The following SLC45A2 variants were observed in gnomAD, a reference collection of about 807,000 sequenced individuals.
SLC45A2 encodes the protein solute carrier family 45 member 2.
Under a neutral mutation model 45.5 loss-of-function variants are expected in SLC45A2, and 36 were observed. That is an observed-to-expected ratio of 0.79 (90% confidence interval 0.61 to 1.04). The LOEUF is 1.04. SLC45A2 is among the 50% of genes least tolerant of loss of function. SLC45A2 has a pLI of 0.00. For missense variants in SLC45A2, 719 were observed against 671.0 expected, an observed-to-expected ratio of 1.07 and a Z score of -0.79; for synonymous variants, 306 against 269.3, an observed-to-expected ratio of 1.14 and a Z score of -1.33.
At chr5:33,979,571 A>T (rs554752567) in intron 2 of SLC45A2, among the ~76,000 whole-genome samples, 1 of 152,334 alleles carries the variant, frequency 6.6e-6, no homozygotes, top group African/African-American at 2.4e-5. Flanking sequence ...TTTCAGGGCC[A>T]TTTCAAAATA....
At chr5:33,966,233 A>G (rs1465142932) in intron 2 of SLC45A2, among the ~76,000 whole-genome samples, 2 of 152,180 alleles carry the variant, frequency 1.3e-5, no homozygotes, top group Non-Finnish European at 2.9e-5. Context: ...GAGTCCTACA[A>G]TTGGGGAGTT....
chr5:33,944,977 G>T, intron 6 of SLC45A2, 105 bp from the exon 7 acceptor site: 2 of 1,061,606 alleles, frequency 1.9e-6, no homozygotes, highest in Non-Finnish European at 2.8e-6. Context: ...AATACCTTTG[G>T]CTTCGTGGAT....
chr5:33,958,680 C>G (rs905747028), intron 3 of SLC45A2, among the ~76,000 whole-genome samples: 1 of 152,144 alleles, frequency 6.6e-6, no homozygotes, highest in African/African-American at 2.4e-5. Flanking sequence ...CTGCACTGGT[C>G]TCAATTTGTT....
At position 33,982,323 on chromosome 5, in the gene SLC45A2, T is replaced by C; in HGVS notation, c.475A>G (p.Ile159Val). The change falls in exon 2 of 7, where the codon ATT (isoleucine) becomes GTT (valine). Residue 159 changes from isoleucine to valine, a missense_variant. Physicochemically the swap from Ile to Val is conservative, Grantham distance 29. Coordinates refer to ENST00000296589, the MANE Select transcript of SLC45A2 (RefSeq NM_016180.5). ...AAGTAGGCTTTGATGGGCCCATCAA[T>C]GAAGTCGGCAGCAAAATCAAAGAGA... ...VVLFDFAADF[I>V]DGPIKAYLFD... The C allele has an allele frequency of 1.2e-6, 2 of 1,614,156 alleles. No individual in the cohort carries two copies. Among genetic ancestry groups the C allele is most frequent in the Non-Finnish European group, 1.7e-6 (2 of 1,180,024 alleles).
intron 3 of SLC45A2, among the ~76,000 whole-genome samples, chr5:33,955,650 C>G (rs1187942606): frequency 6.6e-6 from 1 of 151,898 alleles, no homozygotes; most frequent in Non-Finnish European, 1.5e-5. Context: ...TATACACACA[C>G]ACACACAAAC....
chr5:33,965,274 G>T (rs932253512), intron 2 of SLC45A2, among the ~76,000 whole-genome samples: 1 of 152,182 alleles, frequency 6.6e-6, no homozygotes, highest in Admixed American at 6.5e-5. Context: ...AACATCTAAA[G>T]TTACATAAAC....
chr5:33,978,500 AT>A (rs1752992514), intron 2 of SLC45A2, among the ~76,000 whole-genome samples: 2 of 152,040 alleles, frequency 1.3e-5, no homozygotes, highest in African/African-American at 4.8e-5. Flanking sequence ...GAAACTTGCT[AT>A]CTGGAGGCCT....
chr5:33,977,206 C>G (rs138843430), intron 2 of SLC45A2, among the ~76,000 whole-genome samples: 2 of 152,340 alleles, frequency 1.3e-5, no homozygotes, highest in East Asian at 3.9e-4. Flanking sequence ...GAAACCAACC[C>G]TGACAGCTTC....
intron 2 of SLC45A2, among the ~76,000 whole-genome samples, chr5:33,975,273 C>A (rs1752894528): frequency 6.6e-6 from 1 of 152,230 alleles, no homozygotes; most frequent in African/African-American, 2.4e-5. Flanking sequence ...GAATTATAAA[C>A]AGGGTTATGT....
chr5:33,956,341 C>G (rs1294182335), intron 3 of SLC45A2, among the ~76,000 whole-genome samples: 1 of 152,072 alleles, frequency 6.6e-6, no homozygotes, highest in Admixed American at 6.5e-5. Context: ...TGAAACATGG[C>G]CTTACCAGTA....
chr5:33,984,208 C>G lies in SLC45A2; in HGVS notation c.376G>C (p.Val126Leu), dbSNP rs375501171. The change falls in exon 1 of 7, where the codon GTT becomes CTT. Residue 126 changes from valine (V) to leucine (L), a missense_variant. Physicochemically the swap from Val to Leu is conservative, Grantham distance 32. Transcript: ENST00000296589. Reference sequence around the variant, plus strand: ...TGTGCAGCCCACTTACCTGCTACAACAGTAGCCCCATTGAGGTACAGAGCC... The same window carrying G: ...TGTGCAGCCCACTTACCTGCTACAAGAGTAGCCCCATTGAGGTACAGAGCC... ...GMALYLNGAT[V>L]VAALIANPRR... is the part of the protein sequence containing the mutation. The G allele has an allele frequency of 3.7e-6, 6 of 1,614,040 alleles. No homozygotes were observed. The highest frequency in any genetic ancestry group is 5.1e-6 in the Non-Finnish European group (6 of 1,180,006).
At position 33,984,511 on chromosome 5, in the gene SLC45A2, C is replaced by G. The variant is rs145771774; in HGVS notation, c.73G>C (p.Val25Leu). ...SLADDGPFDSVEPPKRPTSRL... is the reference protein window; with the variant it reads ...SLADDGPFDSLEPPKRPTSRL... ...CTGGTGGGTCTTTTAGGCGGCTCCACAGAGTCAAAGGGGCCATCATCAGCT... is the reference window on the plus strand; with the variant it reads ...CTGGTGGGTCTTTTAGGCGGCTCCAGAGAGTCAAAGGGGCCATCATCAGCT... Residue 25 changes from valine to leucine, a missense_variant, in exon 1 of 7, where the codon GTG becomes CTG. Coordinates refer to ENST00000296589, the MANE Select transcript of SLC45A2 (RefSeq NM_016180.5). 20 of 1,613,170 alleles carry G rather than the reference C, an allele frequency of 1.2e-5. No homozygotes were observed. In the African/African-American group the frequency reaches 2.3e-4, roughly 18 times the overall value.
At chr5:33,970,878 G>T (rs1752756698) in intron 2 of SLC45A2, 6 of 357,928 alleles carry the variant, frequency 1.7e-5, no homozygotes, top group South Asian at 1.4e-4. Context: ...GGACCCTAGA[G>T]ATAAGATATT....
intron 2 of SLC45A2, among the ~76,000 whole-genome samples, chr5:33,975,439 A>G (rs1378218045): frequency 1.3e-5 from 2 of 152,252 alleles, no homozygotes; most frequent in African/African-American, 4.8e-5. Context: ...AAATTACAAT[A>G]CAGGGGAGAG....
chr5:33,962,764 T>A (rs551546371), intron 3 of SLC45A2, among the ~76,000 whole-genome samples: 1 of 152,326 alleles, frequency 6.6e-6, no homozygotes, highest in African/African-American at 2.4e-5. Context: ...AATCTTTAGG[T>A]TACCCTATAG....
chr5:33,982,305 C>A lies in SLC45A2; in HGVS notation c.493G>T (p.Ala165Ser), dbSNP rs1184475555. 1 of 1,614,132 alleles carries A rather than the reference C, an allele frequency of 6.2e-7. No individual in the cohort carries two copies. Among genetic ancestry groups the A allele is most frequent in the Non-Finnish European group, 8.5e-7 (1 of 1,180,020 alleles). ...AADFIDGPIK[A>S]YLFDVCSHQD... ...TGGGAGCAGACATCAAATAAGTAGG[C>A]TTTGATGGGCCCATCAATGAAGTCG... The change falls in exon 2 of 7, where the codon GCC (alanine) becomes TCC (serine). Residue 165 changes from alanine to serine, a missense_variant. Coordinates refer to ENST00000296589, the MANE Select transcript of SLC45A2 (RefSeq NM_016180.5).
intron 2 of SLC45A2, among the ~76,000 whole-genome samples, chr5:33,981,371 T>C (rs1490138092): frequency 6.6e-6 from 1 of 152,210 alleles, no homozygotes; most frequent in African/African-American, 2.4e-5. Context: ...ATCTTGCTTT[T>C]CATGGACCTA....
intron 2 of SLC45A2, among the ~76,000 whole-genome samples, chr5:33,966,856 CTG>C (rs1360185070): frequency 6.6e-6 from 1 of 152,180 alleles, no homozygotes; most frequent in Non-Finnish European, 1.5e-5. Context: ...TTTAGTGACT[CTG>C]TGATGGAAGA....
Position 33,954,232 on chromosome 5 carries a change from C to T in SLC45A2, c.1032+129G>A, listed in dbSNP as rs992238818. 3.7e-6 allele frequency: 5 copies of T among 1,338,324 alleles called. No individual in the cohort carries two copies. In the African/African-American group the frequency reaches 5.8e-5, roughly 15 times the overall value. 82.9% of individuals were successfully genotyped at this position (1,338,324 alleles called of 1,614,324 possible). On this transcript the variant is annotated intron_variant, in intron 4 of 6. Transcript: ENST00000296589. ...TTTTCTACACCTGTCTGTAAGTCAG[C>T]TTCTTGATGGTACCCTTTCCTACAT...
Sources: allele counts gnomAD v4.1 joint callset (sites outside exome capture counted in the v4.1 genomes callset), GRCh38; gene constraint gnomAD v4.1.1; transcripts MANE v1.5; gene names NCBI Gene and HGNC (gene_info 2026-07-23, HGNC 2026-07-21).